The following EPHB1 variants were observed in gnomAD, a reference collection of about 807,000 sequenced individuals.
The protein encoded by EPHB1 is EPH receptor B1.
Under a neutral mutation model 94.4 loss-of-function variants are expected in EPHB1, and 30 were observed. The observed-to-expected ratio is 0.32, with a 90% CI of 0.24 to 0.43. The LOEUF (loss-of-function observed/expected upper bound fraction) is 0.43. EPHB1 is among the 20% of genes least tolerant of loss of function. The pLI is 1.00. For synonymous variants in EPHB1, 522 were observed against 489.1 expected (o/e 1.07, Z -0.89); for missense variants, 1,055 against 1,308.3 (o/e 0.81, Z 2.99).
chr3:135,149,622 C>T (rs1941129528), intron 5 of EPHB1, among the ~76,000 whole-genome samples: 1 of 152,238 alleles, frequency 6.6e-6, no homozygotes, highest in African/African-American at 2.4e-5. Context: ...CTGCAGGTGA[C>T]TGTTGATGGC....
At chr3:134,821,233 A>G (rs1183671162) in intron 1 of EPHB1, among the ~76,000 whole-genome samples, 1 of 152,204 alleles carries the variant, frequency 6.6e-6, no homozygotes, top group African/African-American at 2.4e-5. Flanking sequence ...AAGGGGAAAC[A>G]ATTGGCTTTG....
At chr3:135,063,491 G>A (rs1937542098) in intron 3 of EPHB1, among the ~76,000 whole-genome samples, 1 of 152,106 alleles carries the variant, frequency 6.6e-6, no homozygotes, top group South Asian at 2.1e-4. Flanking sequence ...TTCTCCGCTT[G>A]GTTGCTGTTG....
At chr3:134,833,323 T>C (rs907017704) in intron 1 of EPHB1, among the ~76,000 whole-genome samples, 3 of 152,206 alleles carry the variant, frequency 2.0e-5, no homozygotes, top group Admixed American at 2.0e-4. Flanking sequence ...CTGCCCAGGA[T>C]AGAGTGTGCT....
At chr3:134,806,038 A>G (rs1022533179) in intron 1 of EPHB1, among the ~76,000 whole-genome samples, 1 of 152,214 alleles carries the variant, frequency 6.6e-6, no homozygotes, top group African/African-American at 2.4e-5. Flanking sequence ...GTCAATAAGT[A>G]TGACATAATG....
At chr3:134,923,556 A>G (rs921173747) in intron 1 of EPHB1, among the ~76,000 whole-genome samples, 1 of 152,090 alleles carries the variant, frequency 6.6e-6, no homozygotes, top group Non-Finnish European at 1.5e-5. Flanking sequence ...TCACCTCCCT[A>G]GGATGCTGAA....
intron 12 of EPHB1, among the ~76,000 whole-genome samples, chr3:135,215,550 G>A (rs1184228175): frequency 6.6e-6 from 1 of 152,218 alleles, no homozygotes; most frequent in Non-Finnish European, 1.5e-5. Context: ...CAATAAGGCA[G>A]ACAGCCACCA....
At chr3:134,994,683 C>T (rs1934931517) in intron 3 of EPHB1, among the ~76,000 whole-genome samples, 1 of 152,202 alleles carries the variant, frequency 6.6e-6, no homozygotes, top group South Asian at 2.1e-4. Context: ...CTCAGCCTCC[C>T]ATGCAGCTGG....
intron 11 of EPHB1, among the ~76,000 whole-genome samples, chr3:135,196,154 T>C (rs1942608859): frequency 3.3e-5 from 5 of 151,634 alleles, no homozygotes; most frequent in South Asian, 4.2e-4. Context: ...TGTCTGTTCA[T>C]GTCCTTCATC....
chr3:135,021,659 T>C lies in EPHB1; in HGVS notation c.805+69607T>C, dbSNP rs144142480. The stretch of plus-strand genomic sequence containing the variant: ...AATAGTTACATCTCTAATTTCTGTT[T>C]CATTTCTTATTGCCCTGGTCTGATC... On this transcript the variant is annotated intron_variant, in intron 3 of 15. Coordinates refer to ENST00000398015, the MANE Select transcript of EPHB1 (RefSeq NM_004441.5). Among the ~76,000 whole-genome samples the C allele has an allele frequency of 2.1e-3, 314 of 152,348 alleles. 2 individuals are homozygous for C. Among genetic ancestry groups the C allele is most frequent in the African/African-American group, 6.9e-3 (286 of 41,594 alleles).
intron 3 of EPHB1, among the ~76,000 whole-genome samples, chr3:135,004,138 T>C (rs1185655283): frequency 6.6e-6 from 1 of 152,060 alleles, no homozygotes; most frequent in African/African-American, 2.4e-5. Context: ...TCAGAAGCTC[T>C]TTTAGGGCAG....
At chr3:134,985,781 C>T (rs1385703869) in intron 3 of EPHB1, among the ~76,000 whole-genome samples, 1 of 152,252 alleles carries the variant, frequency 6.6e-6, no homozygotes, top group East Asian at 1.9e-4. Context: ...AGGCTCCTTT[C>T]TTCCAAAAAC....
chr3:135,081,044 A>G (rs1938145815), intron 3 of EPHB1, among the ~76,000 whole-genome samples: 1 of 152,084 alleles, frequency 6.6e-6, no homozygotes, highest in South Asian at 2.1e-4. Context: ...GGCATCCTCT[A>G]TTGCAAATCT....
intron 4 of EPHB1, among the ~76,000 whole-genome samples, chr3:135,110,011 G>A (rs546045523): frequency 6.6e-6 from 1 of 152,330 alleles, no homozygotes; most frequent in South Asian, 2.1e-4. Flanking sequence ...CCATGTTGCA[G>A]GGCTTGGCTT....
chr3:134,931,966 T>C (rs1386863666), intron 2 of EPHB1, among the ~76,000 whole-genome samples: 1 of 151,952 alleles, frequency 6.6e-6, no homozygotes, highest in Non-Finnish European at 1.5e-5. Flanking sequence ...TATATATGAA[T>C]GTATATATGT....
intron 1 of EPHB1, among the ~76,000 whole-genome samples, chr3:134,801,295 C>A (rs1387507031): frequency 6.6e-6 from 1 of 152,202 alleles, no homozygotes; most frequent in Middle Eastern, 3.2e-3. Flanking sequence ...TGCAGCCTTT[C>A]TAGTAAGGAC....
chr3:134,904,426 G>C (rs1446087799), intron 1 of EPHB1, among the ~76,000 whole-genome samples: 1 of 152,198 alleles, frequency 6.6e-6, no homozygotes, highest in African/African-American at 2.4e-5. Context: ...TAGGGTGGTG[G>C]AGGGGTGCCT....
At chr3:135,155,416 G>A (rs1400040298) in intron 6 of EPHB1, among the ~76,000 whole-genome samples, 1 of 152,038 alleles carries the variant, frequency 6.6e-6, no homozygotes, top group East Asian at 1.9e-4. Context: ...GATTCAACAA[G>A]CAGGAAGGAA....
intron 10 of EPHB1, among the ~76,000 whole-genome samples, chr3:135,186,769 A>G (rs1942341993): frequency 6.6e-6 from 1 of 152,136 alleles, no homozygotes; most frequent in African/African-American, 2.4e-5. Context: ...TCTCTTCCTC[A>G]TTTTGTCAAG....
intron 5 of EPHB1, among the ~76,000 whole-genome samples, chr3:135,134,803 G>A (rs1940557060): frequency 6.6e-6 from 1 of 152,210 alleles, no homozygotes; most frequent in Non-Finnish European, 1.5e-5. Flanking sequence ...CTGCCAGGCT[G>A]TCATGTTACA....
Sources: allele counts gnomAD v4.1 joint callset (sites outside exome capture counted in the v4.1 genomes callset), GRCh38; gene constraint gnomAD v4.1.1; transcripts MANE v1.5; gene names NCBI Gene and HGNC (gene_info 2026-07-23, HGNC 2026-07-21).